KATNIP: variants seen among roughly 807,000 people sequenced by gnomAD.
KATNIP encodes katanin-interacting protein.
Under a neutral mutation model 174.0 loss-of-function variants are expected in KATNIP, and 126 were observed. The ratio of observed to expected loss-of-function variants is 0.72; its 90% CI spans 0.63 to 0.84. The LOEUF is 0.84. KATNIP is among the 40% of genes least tolerant of loss of function. The pLI is 0.00. For synonymous variants in KATNIP, 810 were observed against 835.7 expected, an observed-to-expected ratio of 0.97 and a Z score of 0.53; for missense variants, 1,958 against 2,109.7, an observed-to-expected ratio of 0.93 and a Z score of 1.41.
chr16:27,663,580 C>T (rs1395108165), intron 6 of KATNIP, among the ~76,000 whole-genome samples: 2 of 151,660 alleles, frequency 1.3e-5, no homozygotes, highest in Non-Finnish European at 2.9e-5. Flanking sequence ...CGCCAAGTAG[C>T]TGGGACTACA....
At chr16:27,731,089 CTTGCTTCCT>C (rs945537953) in intron 14 of KATNIP, among the ~76,000 whole-genome samples, 1 of 152,204 alleles carries the variant, frequency 6.6e-6, no homozygotes, top group Non-Finnish European at 1.5e-5. Context: ...AGGACCCTGG[CTTGCTTCCT>C]TTGCATCCCA....
At chr16:27,763,441 T>TAAAAAAAA (rs35206356) in intron 19 of KATNIP, among the ~76,000 whole-genome samples, 1 of 68,186 alleles carries the variant, frequency 1.5e-5, no homozygotes, top group Non-Finnish European at 2.7e-5. Context: ...ATTGTGTCTC[T>TAAAAAAAA]AAAAAAAAAA....
At chr16:27,749,552 G>T in intron 15 of KATNIP, 32 bp from the exon 16 acceptor site, 4 of 1,515,526 alleles carry the variant, frequency 2.6e-6, no homozygotes, top group Non-Finnish European at 3.5e-6. Flanking sequence ...GCCACTCACA[G>T]GGCTTCCCCC....
rs2076401740 is a variant in KATNIP at position 27,628,744 on chromosome 16, G to A, written c.224G>A (p.Gly75Asp). ...CAAGGTTTCTCTGTCTATGTCAACGGTGCCAATTCGGAGCTGAAATCATCA... is the reference window on the plus strand; with the variant it reads ...CAAGGTTTCTCTGTCTATGTCAACGATGCCAATTCGGAGCTGAAATCATCA... ...LEQGFSVYVN[G>D]ANSELKSSPR... Residue 75 changes from glycine to aspartate, a missense_variant, in exon 4 of 28, where the codon GGT becomes GAT. Gly to Asp is a moderately conservative substitution (Grantham distance 94, BLOSUM62 -1). This residue lies in a region of KATNIP where 1,557 missense variants were observed against 1,617.8 expected (regional missense o/e 0.96). Transcript: ENST00000261588. The A allele has an allele frequency of 6.2e-7, 1 of 1,614,210 alleles. No homozygotes were observed. The highest frequency in any genetic ancestry group is 1.3e-5 in the African/African-American group (1 of 75,060).
chr16:27,586,472 A>T (rs532238092), intron 2 of KATNIP, among the ~76,000 whole-genome samples: 1 of 151,670 alleles, frequency 6.6e-6, no homozygotes, highest in Non-Finnish European at 1.5e-5. Flanking sequence ...ATAATTACCA[A>T]TAAAAAAAAG....
intron 12 of KATNIP, among the ~76,000 whole-genome samples, chr16:27,704,897 CT>C (rs1360466306): frequency 1.2e-4 from 17 of 138,948 alleles, no homozygotes; most frequent in African/African-American, 4.2e-4. Flanking sequence ...TCGTTCTTTT[CT>C]TTTTTTTCTT....
At chr16:27,771,543 G>A (rs2082302422) in intron 21 of KATNIP, 45 bp from the exon 22 acceptor site, 2 of 1,588,068 alleles carry the variant, frequency 1.3e-6, no homozygotes, top group South Asian at 2.3e-5. Context: ...TGGTGATTCT[G>A]GGCCGTCGTG....
chr16:27,683,186 T>C (rs1465337769), intron 8 of KATNIP, among the ~76,000 whole-genome samples: 1 of 152,192 alleles, frequency 6.6e-6, no homozygotes, highest in Non-Finnish European at 1.5e-5. Flanking sequence ...GATCTGTGCA[T>C]GCACAAGCCA....
intron 2 of KATNIP, among the ~76,000 whole-genome samples, chr16:27,594,949 GA>G (rs939810130): frequency 1.4e-4 from 21 of 152,168 alleles, no homozygotes; most frequent in Admixed American, 2.6e-4. Flanking sequence ...AAACAATGGG[GA>G]AAAAAGAGGA....
At chr16:27,551,618 C>T (rs1468723336) in intron 1 of KATNIP, among the ~76,000 whole-genome samples, 5 of 152,214 alleles carry the variant, frequency 3.3e-5, no homozygotes, top group Non-Finnish European at 7.3e-5. Context: ...CGGGCATGGA[C>T]TCGTGCCTGT....
At chr16:27,719,371 C>A (rs572076389) in intron 13 of KATNIP, among the ~76,000 whole-genome samples, 2 of 152,126 alleles carry the variant, frequency 1.3e-5, no homozygotes, top group Non-Finnish European at 2.9e-5. Flanking sequence ...AATCTCCCCC[C>A]TCCACCACCA....
At chr16:27,562,943 C>G in intron 1 of KATNIP, among the ~76,000 whole-genome samples, 2 of 152,344 alleles carry the variant, frequency 1.3e-5, no homozygotes, top group Middle Eastern at 6.8e-3. Flanking sequence ...GATGACATCT[C>G]TACTGCAGAA....
chr16:27,567,378 C>G (rs2090129836), intron 1 of KATNIP, among the ~76,000 whole-genome samples: 1 of 152,208 alleles, frequency 6.6e-6, no homozygotes, highest in African/African-American at 2.4e-5. Context: ...CCTATAATCT[C>G]AGCACTTTGG....
At chr16:27,569,107 C>T (rs1347716329) in intron 1 of KATNIP, among the ~76,000 whole-genome samples, 1 of 152,200 alleles carries the variant, frequency 6.6e-6, no homozygotes, top group Non-Finnish European at 1.5e-5. Flanking sequence ...TATTAGTCTA[C>T]AGCAGTGGAT....
rs2082632971 is a variant in KATNIP at position 27,780,006 on chromosome 16, TC to T, written c.*1379del. On this transcript the variant is annotated 3_prime_UTR_variant, in exon 28 of 28. Coordinates refer to ENST00000261588, the MANE Select transcript of KATNIP (RefSeq NM_015202.5). ...AAGAATTGTTTCTCCTGGAGAAAGA[TC>T]CATCATTTCTCCAGCTTCCAAGCCC... is the stretch of plus-strand genomic sequence containing the variant. 2 of 152,114 alleles carry T rather than the reference TC, an allele frequency of 1.3e-5. No individual in the cohort carries two copies. The highest frequency in any genetic ancestry group is 1.3e-4 in the Admixed American group (2 of 15,274). 9.4% of individuals were successfully genotyped at this position (152,114 alleles called of 1,614,324 possible). A position where few individuals can be genotyped will look rare whatever the true frequency, so the allele number is the denominator to read the frequency against.
At chr16:27,648,477 AG>A in intron 5 of KATNIP, 126 bp from the exon 6 acceptor site, 1 of 1,115,768 alleles carries the variant, frequency 9.0e-7, no homozygotes, top group Non-Finnish European at 1.3e-6. Context: ...TGTTGCATGC[AG>A]GCACACCACC....
chr16:27,774,539 A>T (rs889549662), intron 23 of KATNIP, among the ~76,000 whole-genome samples: 1 of 152,036 alleles, frequency 6.6e-6, no homozygotes, highest in Non-Finnish European at 1.5e-5. Flanking sequence ...CCAGGAAGAG[A>T]GGCTCGGCAT....
chr16:27,688,404 C>T (rs193158518), intron 8 of KATNIP, among the ~76,000 whole-genome samples: 10 of 152,212 alleles, frequency 6.6e-5, no homozygotes, highest in Admixed American at 6.5e-4. Flanking sequence ...ATCAGCCTGA[C>T]CAGTACGGTG....
At position 27,642,899 on chromosome 16, in the gene KATNIP, C is replaced by T. The variant is rs56245981; in HGVS notation, c.409-5705C>T. Among the ~76,000 whole-genome samples the T allele has an allele frequency of 2.0e-3, 310 of 151,956 alleles. 3 individuals carry two copies. The highest frequency in any genetic ancestry group is 7.0e-3 in the African/African-American group (292 of 41,442). ...CTGGGATTAGAGGTGTGAGCCACCA[C>T]ACCCAGCCCAGGTGGGACACATTTA... On this transcript the variant is annotated intron_variant, in intron 5 of 27. Coordinates refer to ENST00000261588, the MANE Select transcript of KATNIP (RefSeq NM_015202.5).
Sources: gnomAD v4.1 joint callset for allele counts (sites outside exome capture counted in the v4.1 genomes callset) on GRCh38, gnomAD v4.1.1 for gene constraint, gnomAD v4.1.1 regional missense constraint, MANE v1.5 for transcripts, NCBI Gene and HGNC (gene_info 2026-07-23, HGNC 2026-07-21) for gene names.